PTPRD: variants seen among roughly 807,000 people sequenced by gnomAD.
The protein encoded by PTPRD is receptor-type tyrosine-protein phosphatase delta.
Under a neutral mutation model 214.5 loss-of-function variants are expected in PTPRD, and 34 were observed. The ratio of observed to expected loss-of-function variants is 0.16; its 90% CI spans 0.12 to 0.21. The LOEUF (loss-of-function observed/expected upper bound fraction) is 0.21. PTPRD is among the 10% of genes least tolerant of loss of function. The pLI is 1.00. For synonymous variants in PTPRD, 1,128 were observed against 845.7 expected (o/e 1.33, Z -5.79); for missense variants, 2,545 against 2,398.7 (o/e 1.06, Z -1.27).
chr9:9,994,505 C>A (rs1310650133), intron 4 of PTPRD, among the ~76,000 whole-genome samples: 1 of 151,948 alleles, frequency 6.6e-6, no homozygotes, highest in Non-Finnish European at 1.5e-5. Context: ...ATCATAGATG[C>A]CCAATAAATG....
At chr9:9,638,037 A>G (rs535007428) in intron 7 of PTPRD, among the ~76,000 whole-genome samples, 3 of 152,268 alleles carry the variant, frequency 2.0e-5, no homozygotes, top group African/African-American at 7.2e-5. Flanking sequence ...GGAATACCTC[A>G]AAGTTCTTCA....
At chr9:9,655,867 A>G (rs2096498234) in intron 7 of PTPRD, among the ~76,000 whole-genome samples, 1 of 151,974 alleles carries the variant, frequency 6.6e-6, no homozygotes, top group Admixed American at 6.6e-5. Flanking sequence ...AATCCGAGAT[A>G]CTCAGGAGAC....
chr9:9,137,598 A>T (rs541442106), intron 10 of PTPRD, among the ~76,000 whole-genome samples: 2 of 152,238 alleles, frequency 1.3e-5, no homozygotes, highest in African/African-American at 4.8e-5. Context: ...CTTCTTTATG[A>T]AATGTGTTGA....
chr9:9,908,831 G>A (rs975009436), intron 5 of PTPRD, among the ~76,000 whole-genome samples: 1 of 151,860 alleles, frequency 6.6e-6, no homozygotes, highest in African/African-American at 2.4e-5. Context: ...CAAATGCTAG[G>A]TCTAAGAATA....
intron 4 of PTPRD, among the ~76,000 whole-genome samples, chr9:9,940,055 A>G (rs1389061126): frequency 1.3e-5 from 2 of 152,148 alleles, no homozygotes; most frequent in Non-Finnish European, 2.9e-5. Context: ...GAGCTTAATA[A>G]AGAACTCATT....
intron 7 of PTPRD, among the ~76,000 whole-genome samples, chr9:9,593,776 T>G (rs1563925301): frequency 6.6e-6 from 1 of 152,010 alleles, no homozygotes; most frequent in Non-Finnish European, 1.5e-5. Flanking sequence ...TTAGCCACAA[T>G]TGGAGTAAGA....
At chr9:10,508,300 G>A (rs2046764052) in intron 2 of PTPRD, among the ~76,000 whole-genome samples, 1 of 152,102 alleles carries the variant, frequency 6.6e-6, no homozygotes, top group African/African-American at 2.4e-5. Context: ...GAAACAACAG[G>A]TGCTGGAGAG....
chr9:8,791,180 G>A (rs951956945), intron 11 of PTPRD, among the ~76,000 whole-genome samples: 5 of 152,074 alleles, frequency 3.3e-5, no homozygotes, highest in Admixed American at 2.0e-4. Context: ...AGTGACAAAG[G>A]ATGTAGAAAG....
chr9:9,750,755 A>G (rs1278750510), intron 6 of PTPRD, among the ~76,000 whole-genome samples: 1 of 152,154 alleles, frequency 6.6e-6, no homozygotes, highest in Non-Finnish European at 1.5e-5. Flanking sequence ...TATGAACTCC[A>G]GGGACTCAGG....
chr9:8,683,385 C>CA (rs78015875), intron 12 of PTPRD, among the ~76,000 whole-genome samples: 2,530 of 106,980 alleles, frequency 0.024, 20 homozygotes, highest in Middle Eastern at 0.032. Context: ...ACTCCTTTCT[C>CA]AAAAAAAAAA....
rs1477904579 is a variant in PTPRD at position 8,518,041 on chromosome 9, T to A, written c.1350A>T (p.Gly450=). 1 of 1,614,190 alleles carries A rather than the reference T, an allele frequency of 6.2e-7. No homozygotes were observed. The highest frequency in any genetic ancestry group is 1.7e-5 in the Admixed American group (1 of 60,024). ...EPEEPNGQIQ[G]YRVYYTMDPT... The stretch of plus-strand genomic sequence containing the variant: ...GATCCATTGTATAATAAACTCTATA[T>A]CCTTGGATCTGTCCATTTGGCTCTT... The change falls in exon 21 of 46, where the codon GGA becomes GGT. Residue 450 remains glycine (G), a synonymous_variant. Coordinates refer to ENST00000381196, the MANE Select transcript of PTPRD (RefSeq NM_002839.4).
chr9:9,863,291 A>G (rs149254425), intron 5 of PTPRD, among the ~76,000 whole-genome samples: 229 of 152,288 alleles, frequency 1.5e-3, no homozygotes, highest in African/African-American at 5.2e-3. Context: ...ACTATTTGAG[A>G]TACATTCTAA....
chr9:8,520,253 G>C (rs935213815), intron 20 of PTPRD, among the ~76,000 whole-genome samples: 1 of 152,076 alleles, frequency 6.6e-6, no homozygotes, highest in African/African-American at 2.4e-5. Context: ...ATTATATTAA[G>C]GTTACACAAT....
chr9:8,730,757 G>C (rs759833637), intron 12 of PTPRD, among the ~76,000 whole-genome samples: 27 of 152,162 alleles, frequency 1.8e-4, no homozygotes, highest in Non-Finnish European at 3.8e-4. Context: ...TAATCTGCAT[G>C]CATCTTACAG....
At chr9:10,071,038 C>T (rs966655339) in intron 3 of PTPRD, among the ~76,000 whole-genome samples, 9 of 151,816 alleles carry the variant, frequency 5.9e-5, no homozygotes, top group East Asian at 1.9e-4. Context: ...AAATCAAATA[C>T]GTGGTATAAA....
intron 27 of PTPRD, 64 bp from the exon 28 acceptor site, chr9:8,486,413 C>T: frequency 1.5e-6 from 2 of 1,337,544 alleles, no homozygotes; most frequent in East Asian, 2.3e-5. Flanking sequence ...CAGTCATTGC[C>T]AAATGAGGGA....
At chr9:9,496,633 C>A (rs1371269913) in intron 8 of PTPRD, among the ~76,000 whole-genome samples, 1 of 152,046 alleles carries the variant, frequency 6.6e-6, no homozygotes, top group Non-Finnish European at 1.5e-5. Context: ...GAAACCGAAA[C>A]CCTTCTGCAA....
chr9:9,044,626 G>C (rs561954652), intron 10 of PTPRD, among the ~76,000 whole-genome samples: 1 of 152,304 alleles, frequency 6.6e-6, no homozygotes, highest in East Asian at 1.9e-4. Context: ...GCACTTTAGA[G>C]AAAGCACATC....
chr9:10,437,552 T>C (rs2098728066), intron 2 of PTPRD, among the ~76,000 whole-genome samples: 1 of 151,792 alleles, frequency 6.6e-6, no homozygotes, highest in Non-Finnish European at 1.5e-5. Context: ...TTGATTACTC[T>C]TCAAACTTTG....
Sources: gnomAD v4.1 joint callset for allele counts (sites outside exome capture counted in the v4.1 genomes callset) on GRCh38, gnomAD v4.1.1 for gene constraint, MANE v1.5 for transcripts, NCBI Gene and HGNC (gene_info 2026-07-23, HGNC 2026-07-21) for gene names.